The following AK4 variants were observed in gnomAD, a reference collection of about 807,000 sequenced individuals.
The protein encoded by AK4 is adenylate kinase 4, mitochondrial.
AK4 carries 13 observed loss-of-function variants against 24.6 expected under a neutral mutation model. That is an observed-to-expected ratio of 0.53 (90% CI 0.34 to 0.84). AK4 has a LOEUF of 0.84. AK4 is among the 40% of genes least tolerant of loss of function. The pLI is 0.01. For missense variants in AK4, 192 were observed against 288.2 expected (o/e 0.67, Z 2.42); for synonymous variants, 88 against 107.0 (o/e 0.82, Z 1.10).
At chr1:65,223,378 G>A (rs983519055) in intron 3 of AK4, among the ~76,000 whole-genome samples, 6 of 151,682 alleles carry the variant, frequency 4.0e-5, no homozygotes, top group Admixed American at 2.0e-4. Flanking sequence ...TAGTAGAGAC[G>A]GGGTTTTGCC....
chr1:65,179,924 G>A (rs1186695465), intron 1 of AK4, among the ~76,000 whole-genome samples: 2 of 152,170 alleles, frequency 1.3e-5, no homozygotes, highest in African/African-American at 4.8e-5. Context: ...AATGAAATTT[G>A]CAAAGCAGCA....
chr1:65,190,452 G>C (rs532506922), intron 1 of AK4, among the ~76,000 whole-genome samples: 2 of 149,002 alleles, frequency 1.3e-5, no homozygotes, highest in South Asian at 2.2e-4. Flanking sequence ...CTTTTTTTGG[G>C]GGGGGGGCGG....
intron 1 of AK4, among the ~76,000 whole-genome samples, chr1:65,161,029 C>T (rs1570069120): frequency 6.6e-6 from 1 of 152,054 alleles, no homozygotes; most frequent in Non-Finnish European, 1.5e-5. Context: ...TATGCTGAGG[C>T]TCAGAAGGCC....
At chr1:65,171,038 G>A (rs1490865738) in intron 1 of AK4, among the ~76,000 whole-genome samples, 1 of 142,058 alleles carries the variant, frequency 7.0e-6, no homozygotes, top group East Asian at 2.1e-4. Flanking sequence ...GCTTACTGCT[G>A]CCTCCACCTG....
chr1:65,218,408 A>G (rs763656380), intron 2 of AK4, among the ~76,000 whole-genome samples: 2 of 152,230 alleles, frequency 1.3e-5, no homozygotes, highest in Admixed American at 6.5e-5. Context: ...TTAAATTTTT[A>G]TCATATGATT....
chr1:65,185,373 T>C (rs1006416511), intron 1 of AK4, among the ~76,000 whole-genome samples: 3 of 152,158 alleles, frequency 2.0e-5, no homozygotes, highest in Non-Finnish European at 4.4e-5. Context: ...TCTAAAACTA[T>C]CTATTTAAAA....
intron 1 of AK4, chr1:65,154,401 G>A (rs1421683431): frequency 1.3e-5 from 5 of 385,274 alleles, no homozygotes; most frequent in Non-Finnish European, 2.1e-5. Context: ...TGCATACTTT[G>A]CTGATTAAGA....
intron 3 of AK4, among the ~76,000 whole-genome samples, chr1:65,220,507 G>A (rs563335268): frequency 3.9e-5 from 6 of 152,158 alleles, no homozygotes; most frequent in South Asian, 4.1e-4. Flanking sequence ...ATGGAGTCTC[G>A]CTCCATCACC....
At chr1:65,194,518 A>G (rs952203376) in intron 2 of AK4, among the ~76,000 whole-genome samples, 2 of 151,810 alleles carry the variant, frequency 1.3e-5, no homozygotes, top group African/African-American at 2.4e-5. Flanking sequence ...CCAGAGTGCC[A>G]TGGCCTGATC....
chr1:65,157,232 G>T (rs528962863), intron 1 of AK4, among the ~76,000 whole-genome samples: 1 of 152,298 alleles, frequency 6.6e-6, no homozygotes, highest in African/African-American at 2.4e-5. Context: ...CCCTGAAAAG[G>T]TCTCATGGAC....
chr1:65,231,550 G>A lies in AK4; in HGVS notation c.*5373G>A, dbSNP rs1019637965. ...TGAAGATTCCCCCTAGGGTTGATAT[G>A]TGTCTAATTCATTTTATAAAAATTA... On this transcript the variant is annotated 3_prime_UTR_variant, in exon 5 of 5. Coordinates refer to ENST00000327299, the MANE Select transcript of AK4 (RefSeq NM_013410.4). The A allele has an allele frequency of 6.6e-6, 1 of 152,100 alleles. No homozygotes were observed. The highest frequency in any genetic ancestry group is 1.5e-5 in the Non-Finnish European group (1 of 68,018). The allele number at this position is 152,100 out of a possible 1,614,324, so 9.4% of individuals were successfully genotyped here.
At chr1:65,158,460 A>G (rs751939051) in intron 1 of AK4, among the ~76,000 whole-genome samples, 1 of 152,216 alleles carries the variant, frequency 6.6e-6, no homozygotes, top group Non-Finnish European at 1.5e-5. Flanking sequence ...ACAATGGACA[A>G]TGAATCAGAT....
intron 1 of AK4, among the ~76,000 whole-genome samples, chr1:65,187,324 G>A (rs1651133391): frequency 6.8e-6 from 1 of 146,814 alleles, no homozygotes. Context: ...CTCCAGCGTG[G>A]GTGACAGAGC....
intron 1 of AK4, among the ~76,000 whole-genome samples, chr1:65,164,587 T>A (rs1650267427): frequency 6.6e-6 from 1 of 152,246 alleles, no homozygotes; most frequent in Non-Finnish European, 1.5e-5. Flanking sequence ...TCCATTCAAA[T>A]CCTTTGCCCA....
chr1:65,229,385 T>A lies in AK4; in HGVS notation c.*3208T>A, dbSNP rs1193743674. The A allele has an allele frequency of 6.6e-6, 1 of 152,042 alleles. No individual in the cohort carries two copies. Among genetic ancestry groups the A allele is most frequent in the Non-Finnish European group, 1.5e-5 (1 of 68,040 alleles). 9.4% of individuals were successfully genotyped at this position (152,042 alleles called of 1,614,324 possible). A position where few individuals can be genotyped will look rare whatever the true frequency, so the allele number is the denominator to read the frequency against. ...TCCATCTCTACGGAAAAGTAAAAAA[T>A]TAGCCAGTCATGGTGGTGTACACTT... On this transcript the variant is annotated 3_prime_UTR_variant, in exon 5 of 5. Coordinates refer to ENST00000327299, the MANE Select transcript of AK4 (RefSeq NM_013410.4).
At chr1:65,160,126 C>T (rs1650111868) in intron 1 of AK4, among the ~76,000 whole-genome samples, 1 of 152,174 alleles carries the variant, frequency 6.6e-6, no homozygotes, top group African/African-American at 2.4e-5. Context: ...GTCGTGCTGA[C>T]ATCTGAGTAC....
intron 2 of AK4, among the ~76,000 whole-genome samples, chr1:65,197,132 G>C (rs1651496700): frequency 6.6e-6 from 1 of 152,198 alleles, no homozygotes; most frequent in Non-Finnish European, 1.5e-5. Flanking sequence ...GTTCAAAGAT[G>C]AGACTTGGGT....
At chr1:65,162,378 GC>G (rs1273091292) in intron 1 of AK4, among the ~76,000 whole-genome samples, 2 of 152,178 alleles carry the variant, frequency 1.3e-5, no homozygotes, top group Admixed American at 1.3e-4. Context: ...GATGGTAGAA[GC>G]GGAGGCTGGA....
At chr1:65,205,362 G>A (rs894905113) in intron 2 of AK4, among the ~76,000 whole-genome samples, 1 of 152,138 alleles carries the variant, frequency 6.6e-6, no homozygotes, top group African/African-American at 2.4e-5. Flanking sequence ...AGCCTCCCAA[G>A]TAGCTAGGAC....
Sources: gnomAD v4.1 joint callset for allele counts (sites outside exome capture counted in the v4.1 genomes callset) on GRCh38, gnomAD v4.1.1 for gene constraint, MANE v1.5 for transcripts, NCBI Gene and HGNC (gene_info 2026-07-23, HGNC 2026-07-21) for gene names.